Variants in TG observed in about 807,000 individuals in gnomAD.
The protein encoded by TG is thyroid hormones.
In TG, 270 loss-of-function variants were observed where a neutral mutation model predicts 324.7. The ratio of observed to expected loss-of-function variants is 0.83; its 90% CI spans 0.75 to 0.92. The LOEUF (loss-of-function observed/expected upper bound fraction) is 0.92. Ranked by LOEUF, TG falls within the 40% of genes least tolerant of loss-of-function variation. The probability of loss-of-function intolerance (pLI) is 0.00; values close to 1 mark genes in which losing one functional copy is unlikely to be tolerated. For synonymous variants in TG, 1,401 were observed against 1,327.0 expected (o/e 1.06, Z -1.21); for missense variants, 3,591 against 3,456.4 (o/e 1.04, Z -0.98).
chr8:132,968,075 T>C, intron 31 of TG, 105 bp downstream of exon 31: 1 of 1,362,242 alleles, frequency 7.3e-7, no homozygotes, highest in South Asian at 1.3e-5. Context: ...ACATTTTCTT[T>C]ATACTTTTAT....
chr8:133,081,466 A>G (rs1017407464), intron 41 of TG, among the ~76,000 whole-genome samples: 4 of 152,200 alleles, frequency 2.6e-5, no homozygotes, highest in Admixed American at 2.6e-4. Context: ...AACATCTCCA[A>G]AGTTGGATCA....
chr8:133,006,106 A>G (rs1833994528), intron 35 of TG, among the ~76,000 whole-genome samples: 1 of 152,246 alleles, frequency 6.6e-6, no homozygotes, highest in Admixed American at 6.5e-5. Flanking sequence ...GAGATCATGA[A>G]CAAGGGCAAT....
chr8:132,923,264 C>A, intron 21 of TG, 74 bp from the exon 22 acceptor site: 1 of 1,546,122 alleles, frequency 6.5e-7, no homozygotes, highest in South Asian at 1.1e-5. Flanking sequence ...TGTCAATGAC[C>A]GAGAGCCTGG....
chr8:132,949,049 C>T, intron 27 of TG, 106 bp downstream of exon 27: 1 of 935,080 alleles, frequency 1.1e-6, no homozygotes, highest in Non-Finnish European at 1.6e-6. Context: ...GGAGCTTATA[C>T]TTCTGAAAAA....
chr8:132,897,977 C>G (rs1817365409), intron 12 of TG, among the ~76,000 whole-genome samples, 191 bp downstream of exon 12: 1 of 152,146 alleles, frequency 6.6e-6, no homozygotes, highest in South Asian at 2.1e-4. Flanking sequence ...TTCTACCAGC[C>G]TGAAAGACAA....
At chr8:132,880,721 T>C (rs1814535836) in intron 5 of TG, among the ~76,000 whole-genome samples, 1 of 152,224 alleles carries the variant, frequency 6.6e-6, no homozygotes, top group Non-Finnish European at 1.5e-5. Flanking sequence ...CACATTGACT[T>C]CCAATACTGA....
intron 41 of TG, among the ~76,000 whole-genome samples, chr8:133,088,985 C>G (rs994581005): frequency 6.6e-6 from 1 of 152,242 alleles, no homozygotes; most frequent in African/African-American, 2.4e-5. Context: ...AGCTCTCTTC[C>G]TAAGCTGTCC....
Position 132,908,205 on chromosome 8 carries a change from C to T in TG, c.3867C>T (p.Thr1289=), listed in dbSNP as rs369357591. 1.9e-6 allele frequency: 3 copies of T among 1,613,900 alleles called. No homozygotes were observed. The highest frequency in any genetic ancestry group is 1.3e-5 in the African/African-American group (1 of 74,940). The change falls in exon 18 of 48, where the codon ACC becomes ACT. Residue 1289 remains threonine, a synonymous_variant. Transcript: ENST00000220616. ...RACQRPQLWQ[T]IQTQGHFQLQ... ...CTGCAGGGCCCCAGCTGTGGCAGAC[C>T]ATCCAGACCCAAGGGCACTTTCAGC...
At chr8:132,905,827 G>A (rs1379327549) in intron 16 of TG, among the ~76,000 whole-genome samples, 1 of 152,174 alleles carries the variant, frequency 6.6e-6, no homozygotes, top group Non-Finnish European at 1.5e-5. Flanking sequence ...GGAGAACCAT[G>A]ACAGTGGTAG....
intron 43 of TG, among the ~76,000 whole-genome samples, chr8:133,106,625 T>C (rs1849828969): frequency 1.3e-5 from 2 of 152,170 alleles, no homozygotes; most frequent in Non-Finnish European, 2.9e-5. Context: ...CTCTCTTGTC[T>C]GGACTCAACC....
intron 35 of TG, among the ~76,000 whole-genome samples, chr8:132,986,677 T>C (rs1310176218): frequency 1.3e-5 from 2 of 152,154 alleles, no homozygotes; most frequent in African/African-American, 4.8e-5. Context: ...AATAGCAAAG[T>C]GAACTACTTG....
chr8:133,121,172 C>G (rs758347126), intron 45 of TG, among the ~76,000 whole-genome samples: 2 of 152,128 alleles, frequency 1.3e-5, no homozygotes, highest in African/African-American at 2.4e-5. Flanking sequence ...GAAATCATAC[C>G]GAAGGATAGA....
chr8:132,922,862 C>T, intron 21 of TG, among the ~76,000 whole-genome samples: 1 of 152,194 alleles, frequency 6.6e-6, no homozygotes. Flanking sequence ...GCACCACCTG[C>T]TAATACCGTC....
At chr8:133,124,707 A>G (rs886658335) in intron 45 of TG, among the ~76,000 whole-genome samples, 1 of 152,192 alleles carries the variant, frequency 6.6e-6, no homozygotes, top group African/African-American at 2.4e-5. Context: ...TGAGAGAGAA[A>G]AACAAAACAT....
intron 37 of TG, 33 bp from the exon 38 acceptor site, chr8:133,017,745 T>C (rs1194350486): frequency 6.2e-7 from 1 of 1,604,810 alleles, no homozygotes; most frequent in Admixed American, 1.7e-5. Context: ...GCCTCTCCCC[T>C]TCCTCACCCC....
chr8:133,012,157 G>A (rs1158174674), intron 36 of TG, 122 bp downstream of exon 36: 5 of 1,415,740 alleles, frequency 3.5e-6, no homozygotes, highest in Non-Finnish European at 4.9e-6. Context: ...TGGAAGTAAG[G>A]GATTAACCTG....
At chr8:133,036,432 C>A (rs1028679419) in intron 41 of TG, among the ~76,000 whole-genome samples, 1 of 152,208 alleles carries the variant, frequency 6.6e-6, no homozygotes. Flanking sequence ...GCAGCTATCA[C>A]AAGTAACGTG....
intron 40 of TG, among the ~76,000 whole-genome samples, chr8:133,026,963 A>G (rs779114486): frequency 6.6e-6 from 1 of 152,216 alleles, no homozygotes; most frequent in Non-Finnish European, 1.5e-5. Context: ...ACTCAACCTT[A>G]TGAGGAAGTG....
At chr8:132,890,660 C>G (rs989956257) in intron 10 of TG, among the ~76,000 whole-genome samples, 5 of 152,180 alleles carry the variant, frequency 3.3e-5, no homozygotes, top group African/African-American at 1.2e-4. Flanking sequence ...TCTGTAAAAT[C>G]TGAGTTACAA....
Sources: gnomAD v4.1 joint callset for allele counts (sites outside exome capture counted in the v4.1 genomes callset) on GRCh38, gnomAD v4.1.1 for gene constraint, MANE v1.5 for transcripts, NCBI Gene and HGNC (gene_info 2026-07-23, HGNC 2026-07-21) for gene names.